Variants in FOXJ2 observed in about 807,000 individuals in gnomAD.
FOXJ2 encodes the protein forkhead box J2, also known as forkhead box protein J2.
Under a neutral mutation model 68.4 loss-of-function variants are expected in FOXJ2, and 18 were observed. The observed-to-expected ratio is 0.26, with a 90% confidence interval of 0.18 to 0.39. The LOEUF is 0.39. FOXJ2 is among the 10% of genes least tolerant of loss of function. The pLI, the probability that FOXJ2 is intolerant of heterozygous loss-of-function variation, is 1.00. For synonymous variants in FOXJ2, 274 were observed against 263.2 expected (o/e 1.04, Z -0.40); for missense variants, 670 against 726.5 (o/e 0.92, Z 0.89).
At position 8,052,457 on chromosome 12, in the gene FOXJ2, A is replaced by G. The variant is rs192181230; in HGVS notation, c.1637-305A>G. Among the ~76,000 whole-genome samples, 154 of 152,280 alleles carry G rather than the reference A, an allele frequency of 1.0e-3. 1 individual carries two copies. Among genetic ancestry groups the G allele is most frequent in the Admixed American group, 3.1e-3 (48 of 15,294 alleles). On this transcript the variant is annotated intron_variant, in intron 10 of 10. Coordinates refer to ENST00000162391, the MANE Select transcript of FOXJ2 (RefSeq NM_018416.3). ...CTGGTCTCGAATTCCTGACCTCGTG[A>G]TCCGCCTGCCTTGGCCTCCCAAAGT...
chr12:8,037,815 A>G (rs960047073), intron 1 of FOXJ2, among the ~76,000 whole-genome samples: 1 of 152,164 alleles, frequency 6.6e-6, no homozygotes, highest in Admixed American at 6.5e-5. Flanking sequence ...CAAGTATACA[A>G]GTATATATGT....
At position 8,042,092 on chromosome 12, in the gene FOXJ2, G is replaced by A. The variant is rs749739020; in HGVS notation, c.334-566G>A. ...GGGGTTTCACCATGTCGGCTAGGCT[G>A]GTCTCGAACTCCTGACCTCAGGTGA... is the stretch of plus-strand genomic sequence containing the variant. On this transcript the variant is annotated intron_variant, in intron 2 of 10. Transcript: ENST00000162391. 6.6e-5 allele frequency among the ~76,000 whole-genome samples: 10 copies of A among 152,196 alleles called. 1 individual carries two copies. The South Asian group carries it at 2.1e-3, about 32-fold the overall frequency.
At chr12:8,051,804 A>G (rs1947129701) in intron 10 of FOXJ2, among the ~76,000 whole-genome samples, 1 of 152,134 alleles carries the variant, frequency 6.6e-6, no homozygotes, top group African/African-American at 2.4e-5. Context: ...GACTCTCTCT[A>G]TTCTTTGTCC....
chr12:8,044,203 T>C, intron 5 of FOXJ2, 112 bp downstream of exon 5: 2 of 1,273,866 alleles, frequency 1.6e-6, no homozygotes, highest in South Asian at 2.6e-5. Context: ...GGCAGATAAA[T>C]TGAGAAGGAA....
rs1291848508 is a variant in FOXJ2 at position 8,040,517 on chromosome 12, G to A, written c.333+352G>A. 2.6e-5 allele frequency among the ~76,000 whole-genome samples: 4 copies of A among 151,966 alleles called. No homozygotes were observed. The highest frequency in any genetic ancestry group is 5.9e-5 in the Non-Finnish European group (4 of 67,990). ...GCTCACTGCAACTTCCACCTCCCAGGTTCAAGCGATTTTCCTGCCTCAGCT... is the reference window on the plus strand; with the variant it reads ...GCTCACTGCAACTTCCACCTCCCAGATTCAAGCGATTTTCCTGCCTCAGCT... On this transcript the variant is annotated intron_variant, in intron 2 of 10. Transcript: ENST00000162391. The surrounding 1 kb of genome is among the most constrained non-coding windows in gnomAD (Gnocchi z 4.0).
chr12:8,050,128 GC>G (rs759948901), intron 9 of FOXJ2: 1 of 195,830 alleles, frequency 5.1e-6, no homozygotes, highest in Non-Finnish European at 1.0e-5. Flanking sequence ...GTACCACCAT[GC>G]CCAGCTAATT....
intron 6 of FOXJ2, among the ~76,000 whole-genome samples, 183 bp from the exon 7 acceptor site, chr12:8,047,699 T>C (rs946799558): frequency 2.0e-5 from 3 of 152,106 alleles, no homozygotes; most frequent in Admixed American, 6.5e-5. Flanking sequence ...TCCTCTAACC[T>C]AAGTGCCTTC....
At position 8,043,687 on chromosome 12, in the gene FOXJ2, G is replaced by T. The variant is rs779599300; in HGVS notation, c.409-14G>T. The T allele has an allele frequency of 8.7e-6, 14 of 1,613,846 alleles. No homozygotes were observed. The highest frequency in any genetic ancestry group is 1.3e-5 in the African/African-American group (1 of 74,904). ...AACAATTTTGTTTTCTGTGGGAATG[G>T]GATCTCCTTCCAGGGTTCCTATTGG... On this transcript the variant is annotated splice_polypyrimidine_tract_variant and intron_variant, in intron 3 of 10. Transcript: ENST00000162391.
chr12:8,050,806 A>G (rs1424442074), intron 10 of FOXJ2, among the ~76,000 whole-genome samples, 186 bp downstream of exon 10: 2 of 149,940 alleles, frequency 1.3e-5, no homozygotes, highest in Non-Finnish European at 3.0e-5. Flanking sequence ...AGACTAACGA[A>G]GACAGTGTCC....
intron 3 of FOXJ2, among the ~76,000 whole-genome samples, chr12:8,043,092 C>T (rs1013261505): frequency 1.3e-5 from 2 of 151,818 alleles, no homozygotes; most frequent in East Asian, 1.9e-4. Flanking sequence ...TGGTACATGC[C>T]TGTAATCCCA....
chr12:8,047,301 T>C (rs2121344488), intron 6 of FOXJ2, among the ~76,000 whole-genome samples: 1 of 151,856 alleles, frequency 6.6e-6, no homozygotes, highest in African/African-American at 2.4e-5. Context: ...AATACAAAAT[T>C]AGCCAGGCGT....
chr12:8,045,078 C>CT, intron 6 of FOXJ2, 120 bp downstream of exon 6: 1 of 1,023,978 alleles, frequency 9.8e-7, no homozygotes, highest in Non-Finnish European at 1.4e-6. Flanking sequence ...GGGTCTCACT[C>CT]TTTCGTCCAA....
rs778771435 is a variant in FOXJ2 at position 8,042,411 on chromosome 12, G to A, written c.334-247G>A. Among the ~76,000 whole-genome samples, 21 of 152,294 alleles carry A rather than the reference G, an allele frequency of 1.4e-4. No homozygotes were observed. The South Asian group carries it at 4.3e-3, about 32-fold the overall frequency. On this transcript the variant is annotated intron_variant, in intron 2 of 10. Transcript: ENST00000162391. ...AAAAACTATATAATCAGTTTTTTCA[G>A]AAGCATTAGTAATCAAATTTATAGC... is the stretch of plus-strand genomic sequence containing the variant.
chr12:8,049,131 T>C (rs927939904), intron 8 of FOXJ2, among the ~76,000 whole-genome samples: 14 of 152,190 alleles, frequency 9.2e-5, no homozygotes, highest in South Asian at 4.1e-4. Flanking sequence ...CTCAGTCACA[T>C]TGAAAGTTTA....
chr12:8,043,955 C>A lies in FOXJ2; in HGVS notation c.482C>A (p.Ser161Tyr). 2 of 1,559,688 alleles carry A rather than the reference C, an allele frequency of 1.3e-6. No individual in the cohort carries two copies. The highest frequency in any genetic ancestry group is 1.2e-5 in the South Asian group (1 of 81,742). ...KRRHPPDDDL[S>Y]QDSPEQEASK... The stretch of plus-strand genomic sequence containing the variant: ...CTTTTTTTTCACAACCCTCAGCTGT[C>A]CCAAGACTCACCAGAACAGGAGGCA... Residue 161 changes from serine to tyrosine, a missense_variant, in exon 5 of 11, where the codon TCC becomes TAC. This residue lies in a region of FOXJ2 where 555 missense variants were observed against 562.2 expected (regional missense o/e 0.99). Transcript: ENST00000162391.
intron 9 of FOXJ2, chr12:8,050,122 C>T (rs1351116344): frequency 5.2e-6 from 1 of 192,040 alleles, no homozygotes; most frequent in African/African-American, 2.4e-5. Context: ...AGGTGTGTAC[C>T]ACCATGCCCA....
At chr12:8,041,023 C>T (rs1020916452) in intron 2 of FOXJ2, among the ~76,000 whole-genome samples, 5 of 152,164 alleles carry the variant, frequency 3.3e-5, no homozygotes, top group Admixed American at 1.3e-4. Context: ...GGGCTCCTCT[C>T]CTAAGCAAAG....
chr12:8,047,191 G>A (rs1947048739), intron 6 of FOXJ2, among the ~76,000 whole-genome samples: 1 of 152,110 alleles, frequency 6.6e-6, no homozygotes. Context: ...GGTGTCTCAT[G>A]CCTGTAATCC....
At chr12:8,042,363 T>C (rs1178755758) in intron 2 of FOXJ2, among the ~76,000 whole-genome samples, 2 of 152,240 alleles carry the variant, frequency 1.3e-5, no homozygotes, top group African/African-American at 2.4e-5. Context: ...ATTTATATAC[T>C]TGTTACTCGG....
Sources: gnomAD v4.1 joint callset for allele counts (sites outside exome capture counted in the v4.1 genomes callset) on GRCh38, gnomAD v4.1.1 for gene constraint, gnomAD v4.1.1 regional missense constraint, Gnocchi (gnomAD v3.1) non-coding constraint, MANE v1.5 for transcripts, NCBI Gene and HGNC (gene_info 2026-07-23, HGNC 2026-07-21) for gene names.